The following FCER1A variants were observed in gnomAD, a reference collection of about 807,000 sequenced individuals.
FCER1A encodes high affinity immunoglobulin epsilon receptor subunit alpha.
FCER1A carries 24 observed loss-of-function variants against 23.6 expected under a neutral mutation model. That is an observed-to-expected ratio of 1.02 (90% confidence interval 0.74 to 1.43). FCER1A has a LOEUF of 1.43. Ranked by LOEUF, FCER1A falls within the 40% of genes most tolerant of loss-of-function variation. FCER1A has a pLI of 0.00. For missense variants in FCER1A, 318 were observed against 294.5 expected, an observed-to-expected ratio of 1.08 and a Z score of -0.58; for synonymous variants, 121 against 108.8, an observed-to-expected ratio of 1.11 and a Z score of -0.70.
chr1:159,286,529 T>C (rs1652023010), upstream of FCER1A, among the ~76,000 whole-genome samples: 1 of 152,086 alleles, frequency 6.6e-6, no homozygotes, highest in South Asian at 2.1e-4. Flanking sequence ...GGACAGGGTT[T>C]CACCATGTTA....
upstream of FCER1A, among the ~76,000 whole-genome samples, chr1:159,297,782 A>G (rs1652330990): frequency 6.6e-6 from 1 of 152,094 alleles, no homozygotes; most frequent in Admixed American, 6.6e-5. Flanking sequence ...GCACATCCCC[A>G]TAATCCCAGC....
Position 159,304,150 on chromosome 1 carries a change from A to G in FCER1A, c.299A>G (p.Glu100Gly), listed in dbSNP as rs750190454. ...AAATGTCAGCACCAACAAGTTAATG[A>G]GAGTGAACCTGTGTACCTGGAAGTC... is the stretch of plus-strand genomic sequence containing the variant. Reference protein sequence around the residue: ...EYKCQHQQVNESEPVYLEVFS... With the variant: ...EYKCQHQQVNGSEPVYLEVFS... The change falls in exon 3 of 5, where the codon GAG becomes GGG. Residue 100 changes from glutamate to glycine, a missense_variant. By Grantham distance (98) the Glu-to-Gly change is moderately conservative. Coordinates refer to ENST00000693622, the MANE Select transcript of FCER1A (RefSeq NM_001387280.1). 9 of 1,613,754 alleles carry G rather than the reference A, an allele frequency of 5.6e-6. No homozygotes were observed. The highest frequency in any genetic ancestry group is 7.6e-6 in the Non-Finnish European group (9 of 1,179,728).
intron 1 of FCER1A, 70 bp downstream of exon 1, chr1:159,302,489 C>A: frequency 9.2e-7 from 1 of 1,081,830 alleles, no homozygotes; most frequent in South Asian, 1.2e-5. Flanking sequence ...GGGTAGGAAC[C>A]TTTACTGTGG....
chr1:159,306,830 C>G (rs978901408), intron 4 of FCER1A, among the ~76,000 whole-genome samples: 1 of 152,112 alleles, frequency 6.6e-6, no homozygotes, highest in African/African-American at 2.4e-5. Context: ...AGAGAGGGAG[C>G]CTGTGAAGTA....
chr1:159,291,049 G>T (rs1652138104), intron 1 of FCER1A, among the ~76,000 whole-genome samples: 1 of 148,382 alleles, frequency 6.7e-6, no homozygotes, highest in Admixed American at 6.7e-5. Flanking sequence ...ATTGAAGTTG[G>T]TTGAAACAAG....
At chr1:159,288,433 T>C (rs1329795535), upstream of FCER1A, among the ~76,000 whole-genome samples, 1 of 150,602 alleles carries the variant, frequency 6.6e-6, no homozygotes, top group Non-Finnish European at 1.5e-5. Flanking sequence ...TGAAATGCTC[T>C]TCTGCCTTGG....
upstream of FCER1A, among the ~76,000 whole-genome samples, chr1:159,286,546 A>C (rs1183731814): frequency 6.6e-6 from 1 of 151,974 alleles, no homozygotes; most frequent in South Asian, 2.1e-4. Context: ...GTTAGCCAGG[A>C]TGGTCTCGAT....
At position 159,302,410 on chromosome 1, in the gene FCER1A, C is replaced by A. The variant is rs751106928; in HGVS notation, c.46C>A (p.Leu16Met). The A allele has an allele frequency of 1.9e-6, 3 of 1,609,340 alleles. No homozygotes were observed. The South Asian group carries it at 3.3e-5, about 18-fold the overall frequency. Residue 16 changes from leucine (L) to methionine (M), a missense_variant, in exon 1 of 5, where the codon CTG (leucine) becomes ATG (methionine). Leu to Met is a conservative substitution (Grantham distance 15). Coordinates refer to ENST00000693622, the MANE Select transcript of FCER1A (RefSeq NM_001387280.1). ...CCCTACTCTACTGTGTGTAGCCTTA[C>A]TGTTCTTCGGTAAGTAGAGATTCAA... ...ESPTLLCVAL[L>M]FFAPDGVLAV...
chr1:159,302,883 TC>T lies in FCER1A; in HGVS notation c.76+10del. Reference sequence around the variant, plus strand: ...AGATGGCGTGTTAGCAGGTGAGTCCTCTGTTCTTGTTCCCTTGGTGTTTCAA... The same window carrying T: ...AGATGGCGTGTTAGCAGGTGAGTCCTTGTTCTTGTTCCCTTGGTGTTTCAA... On this transcript the variant is annotated intron_variant, in intron 2 of 4. Transcript: ENST00000693622. 6.2e-7 allele frequency: 1 copy of T among 1,613,262 alleles called. No homozygotes were observed. The highest frequency in any genetic ancestry group is 2.2e-5 in the East Asian group (1 of 44,878).
At chr1:159,294,315 T>G (rs1221738035) in intron 1 of FCER1A, among the ~76,000 whole-genome samples, 2 of 152,136 alleles carry the variant, frequency 1.3e-5, no homozygotes, top group Non-Finnish European at 2.9e-5. Flanking sequence ...ACTTGGAACC[T>G]TCTCTTAATT....
At chr1:159,297,882 A>T (rs190049325), upstream of FCER1A, among the ~76,000 whole-genome samples, 9 of 152,016 alleles carry the variant, frequency 5.9e-5, no homozygotes, top group South Asian at 2.1e-4. Context: ...CTCAAAAAAA[A>T]TTTTTTTTAA....
At chr1:159,303,842 T>G in intron 2 of FCER1A, 86 bp from the exon 3 acceptor site, 1 of 1,005,274 alleles carries the variant, frequency 9.9e-7, no homozygotes, top group Non-Finnish European at 1.5e-6. Context: ...GTCAGAATAT[T>G]GCTTCGTTTG....
upstream of FCER1A, chr1:159,302,255 G>T (rs1008204370): frequency 2.0e-5 from 16 of 807,176 alleles, no homozygotes; most frequent in East Asian, 2.0e-4. Context: ...CAGCTGATGG[G>T]TTAACCAGAT....
At chr1:159,285,986 A>T (rs532577492), upstream of FCER1A, among the ~76,000 whole-genome samples, 1 of 152,104 alleles carries the variant, frequency 6.6e-6, no homozygotes, top group African/African-American at 2.4e-5. Flanking sequence ...GGAGTGCAAG[A>T]CCAGCCTGGA....
upstream of FCER1A, among the ~76,000 whole-genome samples, chr1:159,288,004 G>A (rs1652059170): frequency 6.6e-6 from 1 of 152,034 alleles, no homozygotes; most frequent in Non-Finnish European, 1.5e-5. Flanking sequence ...ATGAGGATGT[G>A]ATAAGGAGCT....
At chr1:159,285,046 T>G (rs536691727), upstream of FCER1A, among the ~76,000 whole-genome samples, 34 of 152,294 alleles carry the variant, frequency 2.2e-4, no homozygotes, top group Admixed American at 8.5e-4. Context: ...GTGGTGCTGT[T>G]GACACTTTGA....
chr1:159,301,620 T>A (rs1652430605), upstream of FCER1A, among the ~76,000 whole-genome samples: 1 of 152,190 alleles, frequency 6.6e-6, no homozygotes, highest in South Asian at 2.1e-4. Context: ...AGACAGCGGA[T>A]CATCAGTGAA....
chr1:159,287,861 G>C (rs1652056697), upstream of FCER1A, among the ~76,000 whole-genome samples: 1 of 151,244 alleles, frequency 6.6e-6, no homozygotes, highest in Non-Finnish European at 1.5e-5. Flanking sequence ...GTAACATCTT[G>C]ATATAATAAT....
At chr1:159,295,613 ACACT>A (rs1322811544) in intron 1 of FCER1A, among the ~76,000 whole-genome samples, 1 of 152,172 alleles carries the variant, frequency 6.6e-6, no homozygotes, top group Non-Finnish European at 1.5e-5. Context: ...CTAATCACAG[ACACT>A]CAATATTCAT....
Sources: allele counts gnomAD v4.1 joint callset (sites outside exome capture counted in the v4.1 genomes callset), GRCh38; gene constraint gnomAD v4.1.1; transcripts MANE v1.5; gene names NCBI Gene and HGNC (gene_info 2026-07-23, HGNC 2026-07-21).